The following MAP3K20 variants were observed in gnomAD, a reference collection of about 807,000 sequenced individuals.
MAP3K20 encodes HCCS-4.
Under a neutral mutation model 85.7 loss-of-function variants are expected in MAP3K20, and 40 were observed. That is an observed-to-expected ratio of 0.47 (90% CI 0.36 to 0.61). The LOEUF is 0.61. Ranked by LOEUF, MAP3K20 falls within the 20% of genes least tolerant of loss-of-function variation. The probability of loss-of-function intolerance (pLI) is 0.00; values close to 1 mark genes in which losing one functional copy is unlikely to be tolerated. For missense variants in MAP3K20, 817 were observed against 961.7 expected (o/e 0.85, Z 1.99); for synonymous variants, 325 against 327.7 (o/e 0.99, Z 0.09).
At position 173,266,661 on chromosome 2, in the gene MAP3K20, G is replaced by A. The variant is rs759921612; in HGVS notation, c.2314G>A (p.Glu772Lys). The change falls in exon 20 of 20, where the codon GAA becomes AAA. Residue 772 changes from glutamate (E) to lysine (K), a missense_variant. This residue lies in a region of MAP3K20 where 454 missense variants were observed against 476.9 expected (regional missense o/e 0.95). Transcript: ENST00000375213. ...CAGCGAAGGGGGCTGGACAAAAGTG[G>A]AATACCGGAAAAAGCCCCACAGGCC... The part of the protein sequence containing the change: ...KVSEGGWTKV[E>K]YRKKPHRPSP... 2.5e-6 allele frequency: 4 copies of A among 1,611,894 alleles called. No individual in the cohort carries two copies. The Admixed American group carries it at 5.0e-5, about 20-fold the overall frequency.
rs1685453377 is a variant in MAP3K20, at chr2:173,267,584, A to G, written c.*834A>G. 6.6e-6 allele frequency: 1 copy of G among 152,194 alleles called. No individual in the cohort carries two copies. Among genetic ancestry groups the G allele is most frequent in the Non-Finnish European group, 1.5e-5 (1 of 68,036 alleles). The allele number at this position is 152,194 out of a possible 1,614,324, so 9.4% of individuals were successfully genotyped here. A position where few individuals can be genotyped will look rare whatever the true frequency, so the allele number is the denominator to read the frequency against. On this transcript the variant is annotated 3_prime_UTR_variant, in exon 20 of 20. Transcript: ENST00000375213. ...CAGAAACCAAAGATTTAAATTGCCT[A>G]GATTTGTGGTTCTTTCTCTTCCTAA...
chr2:173,117,596 A>G (rs908102273), intron 2 of MAP3K20, among the ~76,000 whole-genome samples: 2 of 152,106 alleles, frequency 1.3e-5, no homozygotes, highest in Non-Finnish European at 2.9e-5. Flanking sequence ...TTTTTCTAAT[A>G]AAATTATATT....
At chr2:173,102,895 G>A (rs1193568288) in intron 2 of MAP3K20, among the ~76,000 whole-genome samples, 3 of 151,816 alleles carry the variant, frequency 2.0e-5, no homozygotes, top group African/African-American at 7.3e-5. Context: ...CCAAAACCCT[G>A]TCTCTACTAA....
intron 11 of MAP3K20, among the ~76,000 whole-genome samples, chr2:173,218,101 T>G (rs1684130477): frequency 6.6e-6 from 1 of 152,220 alleles, no homozygotes; most frequent in Non-Finnish European, 1.5e-5. Flanking sequence ...AACATATATT[T>G]TAAATTCATT....
intron 8 of MAP3K20, among the ~76,000 whole-genome samples, chr2:173,201,962 C>T (rs1365580323): frequency 1.3e-5 from 2 of 152,154 alleles, no homozygotes; most frequent in Non-Finnish European, 2.9e-5. Context: ...CCTCCATATT[C>T]AGCCAGCTCA....
chr2:173,164,764 A>T (rs1489443006), intron 2 of MAP3K20, among the ~76,000 whole-genome samples: 1 of 152,212 alleles, frequency 6.6e-6, no homozygotes, highest in Admixed American at 6.5e-5. Context: ...TAAAACTATG[A>T]TATTTAACTT....
At chr2:173,097,961 CCTT>C (rs1256672548) in intron 2 of MAP3K20, among the ~76,000 whole-genome samples, 16 of 152,064 alleles carry the variant, frequency 1.1e-4, no homozygotes, top group African/African-American at 2.2e-4. Context: ...GGAGGGAGAC[CCTT>C]CTTCTTTTCT....
chr2:173,239,564 C>T, intron 16 of MAP3K20, 68 bp downstream of exon 16: 1 of 1,447,564 alleles, frequency 6.9e-7, no homozygotes, highest in Non-Finnish European at 9.5e-7. Context: ...TCTGTAACTC[C>T]ATGGTTTTAT....
intron 2 of MAP3K20, among the ~76,000 whole-genome samples, chr2:173,144,838 A>G (rs1441011295): frequency 6.6e-6 from 1 of 152,256 alleles, no homozygotes; most frequent in African/African-American, 2.4e-5. Context: ...CCTGATTTCA[A>G]GACTTAATCC....
rs35541382 is a variant in MAP3K20 at position 173,077,379 on chromosome 2, C to CAA, written c.-35+1396_-35+1397dup. Among the ~76,000 whole-genome samples, 314 of 96,194 alleles carry CAA rather than the reference C, an allele frequency of 3.3e-3. 2 individuals carry two copies. The highest frequency in any genetic ancestry group is 0.022 in the Middle Eastern group (3 of 138). 63.1% of individuals were successfully genotyped at this position (96,194 alleles called of 152,430 possible). ...AAATTTCACTTGTTTTTCAATTTTCCAAAAAAAAAAAAAAAAAAAAGTGAT... is the reference window on the plus strand; with the variant it reads ...AAATTTCACTTGTTTTTCAATTTTCCAAAAAAAAAAAAAAAAAAAAAAGTGAT... On this transcript the variant is annotated intron_variant, in intron 1 of 19. Coordinates refer to ENST00000375213, the MANE Select transcript of MAP3K20 (RefSeq NM_016653.3).
intron 4 of MAP3K20, among the ~76,000 whole-genome samples, chr2:173,184,624 C>T (rs184824628): frequency 1.2e-3 from 190 of 152,298 alleles, no homozygotes; most frequent in Non-Finnish European, 2.2e-3. Context: ...AGGTAGCAAA[C>T]TGGGCCTGGT....
intron 10 of MAP3K20, among the ~76,000 whole-genome samples, chr2:173,215,268 G>T (rs1457433691): frequency 6.6e-6 from 1 of 152,182 alleles, no homozygotes. Context: ...CGCACACTGA[G>T]GGCACCCAGC....
chr2:173,082,813 G>A (rs1262307747), intron 1 of MAP3K20, among the ~76,000 whole-genome samples: 1 of 152,244 alleles, frequency 6.6e-6, no homozygotes, highest in Non-Finnish European at 1.5e-5. Flanking sequence ...CGTGGCCGTA[G>A]GTTGTATCCA....
chr2:173,220,612 A>T (rs540184672), intron 11 of MAP3K20, among the ~76,000 whole-genome samples: 1 of 152,332 alleles, frequency 6.6e-6, no homozygotes, highest in South Asian at 2.1e-4. Context: ...TTTAGTGTAT[A>T]TTCAGAGTAC....
intron 2 of MAP3K20, among the ~76,000 whole-genome samples, chr2:173,141,279 T>C (rs927193754): frequency 2.0e-5 from 3 of 152,148 alleles, no homozygotes; most frequent in Non-Finnish European, 4.4e-5. Flanking sequence ...TGTGAAGTTG[T>C]AATTAGCAGA....
At chr2:173,082,423 C>G (rs762943555) in intron 1 of MAP3K20, among the ~76,000 whole-genome samples, 2 of 152,176 alleles carry the variant, frequency 1.3e-5, no homozygotes, top group Non-Finnish European at 2.9e-5. Context: ...TTAACTCTTG[C>G]ATTCACCCTT....
intron 2 of MAP3K20, among the ~76,000 whole-genome samples, chr2:173,140,317 T>C (rs778053457): frequency 3.3e-5 from 5 of 149,600 alleles, no homozygotes; most frequent in Non-Finnish European, 7.4e-5. Flanking sequence ...GCCACAATCC[T>C]ATACTTTAAA....
At chr2:173,229,555 C>A in intron 11 of MAP3K20, 134 bp from the exon 12 acceptor site, 1 of 1,083,680 alleles carries the variant, frequency 9.2e-7, no homozygotes, top group South Asian at 1.5e-5. Flanking sequence ...AACTGTTTTC[C>A]ATTCAACCCA....
intron 2 of MAP3K20, among the ~76,000 whole-genome samples, chr2:173,150,609 C>G (rs1172613128): frequency 1.3e-5 from 2 of 152,162 alleles, no homozygotes; most frequent in Non-Finnish European, 2.9e-5. Flanking sequence ...TCCTGTCACC[C>G]AGGCTGGAGT....
Sources: gnomAD v4.1 joint callset for allele counts (sites outside exome capture counted in the v4.1 genomes callset) on GRCh38, gnomAD v4.1.1 for gene constraint, gnomAD v4.1.1 regional missense constraint, MANE v1.5 for transcripts, NCBI Gene and HGNC (gene_info 2026-07-23, HGNC 2026-07-21) for gene names.